The following CDH18 variants were observed in gnomAD, a reference collection of about 807,000 sequenced individuals.
CDH18 encodes the protein cadherin-18.
Under a neutral mutation model 67.9 loss-of-function variants are expected in CDH18, and 31 were observed. That is an observed-to-expected ratio of 0.46 (90% CI 0.34 to 0.62). CDH18 has a LOEUF of 0.62. Among genes scored for constraint, CDH18 ranks in the 20% least tolerant of loss-of-function variants. The pLI is 0.01. For synonymous variants in CDH18, 362 were observed against 347.2 expected, an observed-to-expected ratio of 1.04 and a Z score of -0.48; for missense variants, 890 against 975.5, an observed-to-expected ratio of 0.91 and a Z score of 1.17.
chr5:20,327,401 T>G (rs1000176500), intron 1 of CDH18, among the ~76,000 whole-genome samples: 1 of 152,164 alleles, frequency 6.6e-6, no homozygotes, highest in Non-Finnish European at 1.5e-5. Context: ...AAAAGTAGAT[T>G]TACTATGGCA....
chr5:19,503,614 A>T (rs983258465), intron 10 of CDH18, among the ~76,000 whole-genome samples: 4 of 152,106 alleles, frequency 2.6e-5, no homozygotes, highest in Non-Finnish European at 5.9e-5. Context: ...AGGAGCCTGA[A>T]TCCTGGAAGG....
intron 1 of CDH18, among the ~76,000 whole-genome samples, chr5:20,461,779 G>A (rs1220351518): frequency 1.3e-5 from 2 of 151,978 alleles, no homozygotes; most frequent in African/African-American, 2.4e-5. Flanking sequence ...TTCAATCCCT[G>A]CTTTTGGAAT....
chr5:19,509,124 C>A (rs1289827302), intron 10 of CDH18, among the ~76,000 whole-genome samples: 1 of 152,030 alleles, frequency 6.6e-6, no homozygotes, highest in Non-Finnish European at 1.5e-5. Context: ...CCTCCTTGGC[C>A]TCCCAAAATA....
At chr5:20,377,994 T>A (rs1743602145) in intron 1 of CDH18, among the ~76,000 whole-genome samples, 1 of 151,452 alleles carries the variant, frequency 6.6e-6, no homozygotes, top group African/African-American at 2.4e-5. Context: ...GCTCCTTGAA[T>A]TGATGGTATT....
intron 2 of CDH18, among the ~76,000 whole-genome samples, chr5:20,152,073 A>G (rs1383325912): frequency 6.8e-6 from 1 of 147,766 alleles, no homozygotes; most frequent in Non-Finnish European, 1.5e-5. Flanking sequence ...TAAGAGAGCA[A>G]TTATATATAT....
chr5:19,700,324 A>T (rs1177555787), intron 5 of CDH18, among the ~76,000 whole-genome samples: 1 of 152,182 alleles, frequency 6.6e-6, no homozygotes, highest in Non-Finnish European at 1.5e-5. Flanking sequence ...TTCTACAAAT[A>T]AAAAAGTATA....
At chr5:19,996,218 G>A (rs1020156255) in intron 2 of CDH18, among the ~76,000 whole-genome samples, 1 of 151,960 alleles carries the variant, frequency 6.6e-6, no homozygotes, top group African/African-American at 2.4e-5. Context: ...AACATCTTAT[G>A]AGAGACTTTG....
intron 1 of CDH18, among the ~76,000 whole-genome samples, chr5:20,549,072 A>C (rs1757496737): frequency 6.6e-6 from 1 of 152,182 alleles, no homozygotes; most frequent in African/African-American, 2.4e-5. Flanking sequence ...TGCCTGTGAT[A>C]ATGGTGGCAA....
intron 4 of CDH18, among the ~76,000 whole-genome samples, chr5:19,738,452 C>A (rs921560473): frequency 6.6e-6 from 1 of 152,128 alleles, no homozygotes; most frequent in African/African-American, 2.4e-5. Context: ...AAACCTGCCT[C>A]TTTAAACTGC....
chr5:19,993,129 G>A (rs531435202), upstream of CDH18, among the ~76,000 whole-genome samples: 1 of 152,024 alleles, frequency 6.6e-6, no homozygotes, highest in Non-Finnish European at 1.5e-5. Flanking sequence ...ATTTCATAAA[G>A]GATCTTGAAA....
At chr5:20,289,149 C>T (rs1746915334) in intron 1 of CDH18, among the ~76,000 whole-genome samples, 1 of 151,886 alleles carries the variant, frequency 6.6e-6, no homozygotes, top group African/African-American at 2.4e-5. Flanking sequence ...TTATTCCACA[C>T]TAAAGCCATA....
At chr5:20,485,626 C>T (rs191822133) in intron 1 of CDH18, among the ~76,000 whole-genome samples, 2 of 151,776 alleles carry the variant, frequency 1.3e-5, no homozygotes, top group East Asian at 3.9e-4. Flanking sequence ...TGTCTCAATT[C>T]TTCCATCAAA....
chr5:20,028,708 G>A (rs181455142), intron 2 of CDH18, among the ~76,000 whole-genome samples: 85 of 152,244 alleles, frequency 5.6e-4, no homozygotes, highest in African/African-American at 2.0e-3. Context: ...TGGCCAAAGG[G>A]ATGATTCACA....
intron 2 of CDH18, among the ~76,000 whole-genome samples, chr5:20,209,197 G>A: frequency 6.6e-6 from 1 of 151,994 alleles, no homozygotes; most frequent in Non-Finnish European, 1.5e-5. Context: ...GTATGTAGTT[G>A]CCATAAAAAT....
At chr5:19,675,871 A>G (rs926603754) in intron 5 of CDH18, among the ~76,000 whole-genome samples, 12 of 152,008 alleles carry the variant, frequency 7.9e-5, no homozygotes, top group Non-Finnish European at 1.5e-4. Flanking sequence ...TTATAAAAGT[A>G]TTAATTTGGG....
chr5:20,552,777 A>T (rs996924820), intron 1 of CDH18, among the ~76,000 whole-genome samples: 1 of 151,740 alleles, frequency 6.6e-6, no homozygotes, highest in African/African-American at 2.4e-5. Context: ...TTTTTCAAAC[A>T]GAGTCTTGCT....
At chr5:19,680,966 T>C (rs1760219405) in intron 5 of CDH18, among the ~76,000 whole-genome samples, 2 of 152,156 alleles carry the variant, frequency 1.3e-5, no homozygotes, top group African/African-American at 4.8e-5. Flanking sequence ...TTCATGTATA[T>C]GTTCATCATA....
intron 2 of CDH18, among the ~76,000 whole-genome samples, chr5:20,138,037 C>T (rs1048780400): frequency 6.6e-6 from 1 of 151,938 alleles, no homozygotes; most frequent in African/African-American, 2.4e-5. Flanking sequence ...ACCAATATCC[C>T]TGATGAACAT....
chr5:20,397,428 G>A (rs887150081), intron 1 of CDH18, among the ~76,000 whole-genome samples: 7 of 151,952 alleles, frequency 4.6e-5, no homozygotes, highest in African/African-American at 1.5e-4. Flanking sequence ...CACCGTGCCC[G>A]GCCAGGATTT....
Sources: allele counts gnomAD v4.1 joint callset (sites outside exome capture counted in the v4.1 genomes callset), GRCh38; gene constraint gnomAD v4.1.1; transcripts MANE v1.5; gene names NCBI Gene and HGNC (gene_info 2026-07-23, HGNC 2026-07-21).